SCN1A: variants seen among roughly 807,000 people sequenced by gnomAD.
SCN1A encodes the protein sodium voltage-gated channel alpha subunit 1, also known as sodium channel protein type 1 subunit alpha.
SCN1A carries 13 observed loss-of-function variants against 193.7 expected under a neutral mutation model. The ratio of observed to expected loss-of-function variants is 0.07; its 90% confidence interval spans 0.04 to 0.11. SCN1A has a LOEUF of 0.11. SCN1A is among the 10% of genes least tolerant of loss of function. The pLI is 1.00. For missense variants in SCN1A, 1,432 were observed against 2,451.1 expected, an observed-to-expected ratio of 0.58 and a Z score of 8.78; for synonymous variants, 781 against 843.6, an observed-to-expected ratio of 0.93 and a Z score of 1.29.
At chr2:166,051,469 C>T (rs1698543544) in intron 9 of SCN1A, among the ~76,000 whole-genome samples, 1 of 151,944 alleles carries the variant, frequency 6.6e-6, no homozygotes, top group Non-Finnish European at 1.5e-5. Flanking sequence ...ACCAAATATA[C>T]ATGATAGTAA....
At position 166,046,753 on chromosome 2, in the gene SCN1A, A is replaced by C; in HGVS notation, c.1377+17T>G. 6.2e-7 allele frequency: 1 copy of C among 1,611,004 alleles called. No individual in the cohort carries two copies. Among genetic ancestry groups the C allele is most frequent in the Non-Finnish European group, 8.5e-7 (1 of 1,177,290 alleles). On this transcript the variant is annotated intron_variant, in intron 12 of 28. Transcript: ENST00000674923. ...AGAACGATAAAAGGTCAGTGCCATG[A>C]GACAGGGCAGCTTTACCTGAGCTGC... is the stretch of plus-strand genomic sequence containing the variant.
chr2:166,082,770 C>T (rs1685674196), intron 2 of SCN1A, among the ~76,000 whole-genome samples: 1 of 151,982 alleles, frequency 6.6e-6, no homozygotes, highest in Non-Finnish European at 1.5e-5. Context: ...TATAGTTGTG[C>T]AACATTTATA....
At chr2:166,076,234 G>T (rs1175748899) in intron 3 of SCN1A, among the ~76,000 whole-genome samples, 2 of 151,638 alleles carry the variant, frequency 1.3e-5, no homozygotes, top group Non-Finnish European at 2.9e-5. Context: ...GGCAGTAAGG[G>T]GTAGGAAAAA....
At chr2:166,050,637 A>ATATATATATATATATATATATG (rs1553548987) in intron 9 of SCN1A, among the ~76,000 whole-genome samples, 2 of 77,176 alleles carry the variant, frequency 2.6e-5, no homozygotes, top group Admixed American at 1.7e-4. Flanking sequence ...ATATATATAT[A>ATATATATATATATATATATATG]TGTGTGTATA....
rs571794464 is a variant in SCN1A, at chr2:166,009,663, T to G, written c.4002+56A>C. 3 of 1,519,442 alleles carry G rather than the reference T, an allele frequency of 2.0e-6. No individual in the cohort carries two copies. In the African/African-American group the frequency reaches 4.2e-5, roughly 21 times the overall value. 94.1% of individuals were successfully genotyped at this position (1,519,442 alleles called of 1,614,324 possible). ...GCATAGATTTTCCTTTTTCTAAATT[T>G]AATTTAGTTTAATTTTGGCTATATA... On this transcript the variant is annotated intron_variant, in intron 23 of 28. Coordinates refer to ENST00000674923, the MANE Select transcript of SCN1A (RefSeq NM_001165963.4).
chr2:166,069,934 C>T (rs1414147725), intron 4 of SCN1A, among the ~76,000 whole-genome samples: 2 of 152,014 alleles, frequency 1.3e-5, no homozygotes, highest in African/African-American at 2.4e-5. Flanking sequence ...GTATGTGTAC[C>T]GCATTGTTTT....
intron 1 of SCN1A, among the ~76,000 whole-genome samples, chr2:166,145,027 G>C (rs1402518033): frequency 2.0e-5 from 3 of 151,922 alleles, no homozygotes; most frequent in Non-Finnish European, 4.4e-5. Context: ...TAGTAGAGAT[G>C]GGGTTTCACC....
At chr2:166,141,460 G>A (rs1469975709) in intron 1 of SCN1A, among the ~76,000 whole-genome samples, 4 of 152,042 alleles carry the variant, frequency 2.6e-5, no homozygotes, top group Non-Finnish European at 4.4e-5. Context: ...GGGAGGCTGA[G>A]GTGGGAGGAT....
At chr2:166,091,542 G>A (rs531204057) in intron 2 of SCN1A, among the ~76,000 whole-genome samples, 1 of 152,280 alleles carries the variant, frequency 6.6e-6, no homozygotes, top group South Asian at 2.1e-4. Context: ...GGGTTAAATA[G>A]CATGGGTAAA....
intron 4 of SCN1A, among the ~76,000 whole-genome samples, chr2:166,062,519 G>A (rs1299146568): frequency 6.6e-6 from 1 of 152,108 alleles, no homozygotes; most frequent in Non-Finnish European, 1.5e-5. Flanking sequence ...CTCAGATACA[G>A]CTTTCTCCCA....
chr2:166,107,400 T>A (rs930976019), intron 2 of SCN1A, among the ~76,000 whole-genome samples: 2 of 152,104 alleles, frequency 1.3e-5, no homozygotes, highest in African/African-American at 4.8e-5. Flanking sequence ...AATAAAATAT[T>A]TGGAATAACA....
rs536221757 is a variant in SCN1A at position 166,063,082 on chromosome 2, G to C, written c.265-4394C>G. Among the ~76,000 whole-genome samples, 61 of 152,116 alleles carry C rather than the reference G, an allele frequency of 4.0e-4. 1 individual carries two copies. Among genetic ancestry groups the C allele is most frequent in the Middle Eastern group, 3.4e-3 (1 of 294 alleles). Reference sequence around the variant, plus strand: ...AGACTTTGTGGTTTAGTACAATTCAGGCACATCTATGACTATTCTTAATAT... The same window carrying C: ...AGACTTTGTGGTTTAGTACAATTCACGCACATCTATGACTATTCTTAATAT... On this transcript the variant is annotated intron_variant, in intron 4 of 28. Coordinates refer to ENST00000674923, the MANE Select transcript of SCN1A (RefSeq NM_001165963.4).
chr2:166,118,298 G>GCTTCTTCTT (rs371947861), intron 2 of SCN1A, among the ~76,000 whole-genome samples: 1 of 44,694 alleles, frequency 2.2e-5, no homozygotes, highest in African/African-American at 7.3e-5. Flanking sequence ...TTTCTATTTA[G>GCTTCTTCTT]TTTCTTTTTT....
At chr2:166,083,259 A>C (rs1249953189) in intron 2 of SCN1A, among the ~76,000 whole-genome samples, 1 of 152,120 alleles carries the variant, frequency 6.6e-6, no homozygotes, top group Non-Finnish European at 1.5e-5. Flanking sequence ...GTTGGGGTTA[A>C]CTAAAACAAC....
At chr2:166,066,256 A>G (rs527436068) in intron 4 of SCN1A, among the ~76,000 whole-genome samples, 1 of 152,294 alleles carries the variant, frequency 6.6e-6, no homozygotes, top group African/African-American at 2.4e-5. Context: ...TCAGCCCTAT[A>G]TCATCAGAAT....
chr2:166,038,803 C>G (rs140207255), intron 17 of SCN1A, among the ~76,000 whole-genome samples: 2 of 152,134 alleles, frequency 1.3e-5, no homozygotes, highest in East Asian at 3.9e-4. Flanking sequence ...CATACTGAGC[C>G]CTGATATAAG....
chr2:166,113,972 A>T (rs1035801905), intron 2 of SCN1A, among the ~76,000 whole-genome samples: 4 of 152,192 alleles, frequency 2.6e-5, no homozygotes, highest in African/African-American at 9.7e-5. Flanking sequence ...CATGGAGAAT[A>T]TTAATAATTC....
intron 2 of SCN1A, among the ~76,000 whole-genome samples, chr2:166,079,395 C>G (rs183658833): frequency 1.3e-5 from 2 of 148,614 alleles, no homozygotes; most frequent in East Asian, 3.9e-4. Context: ...AACTTTGTCT[C>G]ATAGCATATA....
intron 2 of SCN1A, among the ~76,000 whole-genome samples, chr2:166,112,676 T>C (rs1689423651): frequency 6.6e-6 from 1 of 152,140 alleles, no homozygotes; most frequent in African/African-American, 2.4e-5. Context: ...TTTTCTGACA[T>C]AAGAGCTTCT....
Sources: allele counts gnomAD v4.1 joint callset (sites outside exome capture counted in the v4.1 genomes callset), GRCh38; gene constraint gnomAD v4.1.1; transcripts MANE v1.5; gene names NCBI Gene and HGNC (gene_info 2026-07-23, HGNC 2026-07-21).